The following PTPRT variants were observed in gnomAD, a reference collection of about 807,000 sequenced individuals.
The protein encoded by PTPRT is receptor-type tyrosine-protein phosphatase T.
PTPRT carries 56 observed loss-of-function variants against 176.8 expected under a neutral mutation model. The observed-to-expected ratio is 0.32, with a 90% CI of 0.26 to 0.40. PTPRT has a LOEUF of 0.40. Among genes scored for constraint, PTPRT ranks in the 10% least tolerant of loss-of-function variants. The pLI is 1.00. For synonymous variants in PTPRT, 783 were observed against 739.0 expected, an observed-to-expected ratio of 1.06 and a Z score of -0.96; for missense variants, 1,540 against 1,908.2, an observed-to-expected ratio of 0.81 and a Z score of 3.60.
chr20:42,670,577 C>T (rs1045347214), intron 7 of PTPRT, among the ~76,000 whole-genome samples: 3 of 152,132 alleles, frequency 2.0e-5, no homozygotes, highest in Non-Finnish European at 4.4e-5. Context: ...TAAAATAGAA[C>T]ATGCAATCAA....
intron 1 of PTPRT, among the ~76,000 whole-genome samples, chr20:43,068,632 G>A (rs1345842071): frequency 1.3e-5 from 2 of 151,984 alleles, no homozygotes; most frequent in Non-Finnish European, 2.9e-5. Flanking sequence ...TGAGATTTAA[G>A]AGCAAGATCA....
chr20:42,921,872 G>C (rs975905563), intron 1 of PTPRT, among the ~76,000 whole-genome samples: 2 of 152,054 alleles, frequency 1.3e-5, no homozygotes, highest in Non-Finnish European at 2.9e-5. Context: ...TCATCAACAG[G>C]GTTAACAGCA....
chr20:42,704,128 C>T (rs778255154), intron 6 of PTPRT, among the ~76,000 whole-genome samples: 6 of 152,048 alleles, frequency 3.9e-5, no homozygotes, highest in East Asian at 1.9e-4. Context: ...GAGTGGCTGC[C>T]GCAACTCTAC....
chr20:42,384,509 C>T (rs2058725072), intron 9 of PTPRT, among the ~76,000 whole-genome samples: 1 of 152,210 alleles, frequency 6.6e-6, no homozygotes, highest in African/African-American at 2.4e-5. Flanking sequence ...ATTCATTCAC[C>T]AGTGGGCATT....
intron 14 of PTPRT, among the ~76,000 whole-genome samples, chr20:42,241,403 C>T (rs2056351642): frequency 6.6e-6 from 1 of 152,012 alleles, no homozygotes; most frequent in Non-Finnish European, 1.5e-5. Flanking sequence ...AGGGCTAGTT[C>T]CCAAAGAGTT....
intron 7 of PTPRT, among the ~76,000 whole-genome samples, chr20:42,663,776 C>A (rs1360785075): frequency 6.6e-6 from 1 of 152,080 alleles, no homozygotes; most frequent in Non-Finnish European, 1.5e-5. Flanking sequence ...TTAACCCATG[C>A]CATTAGATAC....
At position 42,113,708 on chromosome 20, in the gene PTPRT, C is replaced by T. The variant is rs1331943055; in HGVS notation, c.3099+1491G>A. Among the ~76,000 whole-genome samples the T allele has an allele frequency of 2.0e-5, 3 of 152,252 alleles. No individual in the cohort carries two copies. The East Asian group carries it at 5.8e-4, about 29-fold the overall frequency. ...TTCCTTCCCTCTCCTGCTTCCCACT[C>T]TCTCTTAGGAATTTCTCCTGGGAGA... On this transcript the variant is annotated intron_variant, in intron 22 of 30. Transcript: ENST00000373187.
chr20:42,247,365 T>C (rs546122922), intron 14 of PTPRT, among the ~76,000 whole-genome samples: 2 of 152,332 alleles, frequency 1.3e-5, no homozygotes, highest in South Asian at 2.1e-4. Context: ...GTGGGGACCC[T>C]AGTATTTCTA....
intron 1 of PTPRT, among the ~76,000 whole-genome samples, chr20:43,172,221 C>T (rs184022733): frequency 1.3e-5 from 2 of 152,320 alleles, no homozygotes; most frequent in East Asian, 1.9e-4. Flanking sequence ...GAGAGATACA[C>T]CACCAGATCC....
At chr20:43,128,863 G>A (rs1281059014) in intron 1 of PTPRT, among the ~76,000 whole-genome samples, 3 of 152,196 alleles carry the variant, frequency 2.0e-5, no homozygotes, top group Non-Finnish European at 4.4e-5. Flanking sequence ...TAAGCTGAGG[G>A]AAGATGCCCC....
chr20:42,127,716 G>C (rs1987930061), intron 19 of PTPRT, among the ~76,000 whole-genome samples: 1 of 152,152 alleles, frequency 6.6e-6, no homozygotes, highest in Admixed American at 6.5e-5. Context: ...ACATTGGGTT[G>C]TCCTTCTGAC....
chr20:43,129,396 G>C (rs576813079), intron 1 of PTPRT, among the ~76,000 whole-genome samples: 11 of 152,308 alleles, frequency 7.2e-5, no homozygotes, highest in Admixed American at 3.9e-4. Flanking sequence ...CATCCGTGAA[G>C]AGGGAGTACT....
At chr20:42,323,087 A>G (rs893523145) in intron 11 of PTPRT, among the ~76,000 whole-genome samples, 1 of 152,034 alleles carries the variant, frequency 6.6e-6, no homozygotes, top group African/African-American at 2.4e-5. Flanking sequence ...TTAAAATGGC[A>G]GTCATTAAAA....
rs112699041 is a variant in PTPRT at position 42,223,930 on chromosome 20, C to T, written c.2342+12299G>A. On this transcript the variant is annotated intron_variant, in intron 15 of 30. Coordinates refer to ENST00000373187, the MANE Select transcript of PTPRT (RefSeq NM_007050.6). ...AATTTGGTCTACAACATTAATAAAA[C>T]GATATTTACAATCTTTACAAAAATC... Among the ~76,000 whole-genome samples the T allele has an allele frequency of 8.2e-3, 1,252 of 152,242 alleles. 16 individuals carry two copies. Among genetic ancestry groups the T allele is most frequent in the African/African-American group, 0.029 (1,206 of 41,528 alleles).
At chr20:42,199,426 A>G (rs775563542) in intron 15 of PTPRT, 38 bp from the exon 16 acceptor site, 3 of 1,605,194 alleles carry the variant, frequency 1.9e-6, no homozygotes, top group Middle Eastern at 1.7e-4. Context: ...CCACAGTCAG[A>G]TGGTGCCAGT....
intron 6 of PTPRT, among the ~76,000 whole-genome samples, chr20:42,730,057 G>T (rs2076437382): frequency 1.3e-5 from 2 of 152,142 alleles, no homozygotes; most frequent in South Asian, 4.1e-4. Flanking sequence ...AATGAGAAAG[G>T]CTCAAAATGA....
At chr20:42,350,225 T>TGTTG (rs11086831) in intron 11 of PTPRT, among the ~76,000 whole-genome samples, 25 of 66,212 alleles carry the variant, frequency 3.8e-4, no homozygotes, top group Non-Finnish European at 4.3e-4. Flanking sequence ...TTTTTTTTTT[T>TGTTG]TTTTTTTTTT....
intron 16 of PTPRT, among the ~76,000 whole-genome samples, chr20:42,190,232 C>A (rs1348703433): frequency 2.0e-5 from 3 of 152,146 alleles, no homozygotes; most frequent in Admixed American, 2.0e-4. Context: ...TTTCACAATG[C>A]TCTGTTGAGC....
intron 7 of PTPRT, among the ~76,000 whole-genome samples, chr20:42,578,637 A>G (rs1040749807): frequency 1.2e-4 from 18 of 152,118 alleles, no homozygotes; most frequent in African/African-American, 4.3e-4. Context: ...ATCCACCAGC[A>G]AATCTGTTGG....
Sources: allele counts gnomAD v4.1 joint callset (sites outside exome capture counted in the v4.1 genomes callset), GRCh38; gene constraint gnomAD v4.1.1; transcripts MANE v1.5; gene names NCBI Gene and HGNC (gene_info 2026-07-23, HGNC 2026-07-21).